PLRG1: variants seen among roughly 807,000 people sequenced by gnomAD.
PLRG1 encodes the protein pleiotropic regulator 1.
Under a neutral mutation model 74.9 loss-of-function variants are expected in PLRG1, and 28 were observed. The ratio of observed to expected loss-of-function variants is 0.37; its 90% confidence interval spans 0.28 to 0.51. The LOEUF is 0.51. Ranked by LOEUF, PLRG1 falls within the 20% of genes least tolerant of loss-of-function variation. The pLI, the probability that PLRG1 is intolerant of heterozygous loss-of-function variation, is 0.91. For missense variants in PLRG1, 445 were observed against 631.9 expected, an observed-to-expected ratio of 0.70 and a Z score of 3.17; for synonymous variants, 197 against 212.4, an observed-to-expected ratio of 0.93 and a Z score of 0.63.
chr4:154,537,244 G>T, intron 14 of PLRG1, 42 bp downstream of exon 14: 2 of 1,282,204 alleles, frequency 1.6e-6, no homozygotes, highest in Non-Finnish European at 2.2e-6. Flanking sequence ...TGCCAAATTG[G>T]TATAGCTGTT....
At chr4:154,549,866 G>C (rs1192285390) in intron 1 of PLRG1, 1 of 430,024 alleles carries the variant, frequency 2.3e-6, no homozygotes, top group South Asian at 1.7e-5. Flanking sequence ...TCATGCCAGG[G>C]AAAGATGTAA....
rs1237629794 is a variant in PLRG1 at position 154,546,148 on chromosome 4, C to T, written c.379G>A (p.Ala127Thr). 7 of 1,603,098 alleles carry T rather than the reference C, an allele frequency of 4.4e-6. No individual in the cohort carries two copies. The African/African-American group carries it at 5.3e-5, about 12-fold the overall frequency. ...MPSESAAQSL[A>T]VALPLQTKAD... is the part of the protein sequence containing the mutation. Reference sequence around the variant, plus strand: ...TTGGTCTGCAAAGGTAATGCCACCGCTAAGGACTGTGCAGCTGATTCACTT... The same window carrying T: ...TTGGTCTGCAAAGGTAATGCCACCGTTAAGGACTGTGCAGCTGATTCACTT... Residue 127 changes from alanine (A) to threonine (T), a missense_variant, in exon 5 of 15, where the codon GCG (alanine) becomes ACG (threonine). This residue lies in a region of PLRG1 where 206 missense variants were observed against 210.8 expected (regional missense o/e 0.98). Transcript: ENST00000499023.
rs1021727359 is a variant in PLRG1 at position 154,537,957 on chromosome 4, A to G, written c.1291+12T>C. 17 of 1,397,586 alleles carry G rather than the reference A, an allele frequency of 1.2e-5. No homozygotes were observed. Among genetic ancestry groups the G allele is most frequent in the Non-Finnish European group, 1.7e-5 (17 of 1,027,692 alleles). 86.6% of individuals were successfully genotyped at this position (1,397,586 alleles called of 1,614,324 possible). On this transcript the variant is annotated intron_variant, in intron 13 of 14. Transcript: ENST00000499023. ...CAGACTAAACATATTTATTATAAAA[A>G]TCTTATTTTACCTCCAGATACAAGC...
At chr4:154,539,448 G>A (rs2111101267) in intron 11 of PLRG1, among the ~76,000 whole-genome samples, 1 of 151,918 alleles carries the variant, frequency 6.6e-6, no homozygotes, top group South Asian at 2.1e-4. Flanking sequence ...TAAAACAAAT[G>A]CAAATAACAA....
At chr4:154,541,919 A>G in intron 8 of PLRG1, 1 of 387,314 alleles carries the variant, frequency 2.6e-6, no homozygotes, top group Non-Finnish European at 4.7e-6. Flanking sequence ...CATGCTCTTA[A>G]TTTTGTAACC....
At chr4:154,545,430 C>A (rs1729633170) in intron 6 of PLRG1, among the ~76,000 whole-genome samples, 1 of 152,014 alleles carries the variant, frequency 6.6e-6, no homozygotes, top group Admixed American at 6.5e-5. Context: ...TCTAAATGCT[C>A]ATTTATAAGA....
rs938233628 is a variant in PLRG1 at position 154,550,399 on chromosome 4, T to C, written c.-91A>G. 35 of 1,245,402 alleles carry C rather than the reference T, an allele frequency of 2.8e-5. No homozygotes were observed. The highest frequency in any genetic ancestry group is 1.4e-4 in the East Asian group (6 of 42,850). 77.1% of individuals were successfully genotyped at this position (1,245,402 alleles called of 1,614,324 possible). On this transcript the variant is annotated 5_prime_UTR_variant, in exon 1 of 15. Coordinates refer to ENST00000499023, the MANE Select transcript of PLRG1 (RefSeq NM_002669.4). ...CACAGCTGTGCAGCACCTTCCGGAATTGGGCGCCCAGGCGGCGGATGTGAT... is the reference window on the plus strand; with the variant it reads ...CACAGCTGTGCAGCACCTTCCGGAACTGGGCGCCCAGGCGGCGGATGTGAT...
At chr4:154,547,688 A>C (rs1180619561) in intron 3 of PLRG1, 23 bp downstream of exon 3, 18 of 1,598,236 alleles carry the variant, frequency 1.1e-5, no homozygotes, top group Non-Finnish European at 1.3e-5. Context: ...TAAGTCTGAC[A>C]TTTCTGATAA....
intron 10 of PLRG1, 57 bp downstream of exon 10, chr4:154,540,537 T>C (rs1196259868): frequency 2.6e-6 from 3 of 1,154,876 alleles, no homozygotes; most frequent in Non-Finnish European, 3.9e-6. Flanking sequence ...AAACCGAAAG[T>C]GCACCCTACA....
chr4:154,541,040 T>C, intron 8 of PLRG1, 106 bp from the exon 9 acceptor site: 4 of 841,588 alleles, frequency 4.8e-6, no homozygotes, highest in Non-Finnish European at 5.1e-6. Flanking sequence ...AGGAAAAAGA[T>C]AACAAATACG....
intron 2 of PLRG1, among the ~76,000 whole-genome samples, chr4:154,548,557 C>T (rs1019982108): frequency 3.3e-5 from 5 of 151,918 alleles, no homozygotes; most frequent in Admixed American, 3.3e-4. Flanking sequence ...AAGCTGAAAG[C>T]ACATACAAAG....
rs367635024 is a variant in PLRG1, at chr4:154,548,894, C to A, written c.51G>T (p.Ser17=). The A allele has an allele frequency of 6.2e-7, 1 of 1,610,244 alleles. No individual in the cohort carries two copies. Among genetic ancestry groups the A allele is most frequent in the South Asian group, 1.1e-5 (1 of 90,992 alleles). Residue 17 remains serine (S), a synonymous_variant, in exon 2 of 15, where the codon TCG becomes TCT. Transcript: ENST00000499023. ...CAAACATGTCATGGGTCCTCTTCAA[C>A]GACCTGAACACAAGGGTGTGTACAG... ...KHSVHTLVFR[S]LKRTHDMFVA...
chr4:154,542,314 T>C (rs370436800), intron 7 of PLRG1, 35 bp from the exon 8 acceptor site: 31 of 1,335,444 alleles, frequency 2.3e-5, no homozygotes, highest in Non-Finnish European at 3.2e-5. Flanking sequence ...CAGGCCAACG[T>C]AGAAGTTAAA....
chr4:154,540,443 T>C (rs1729534833), intron 10 of PLRG1, 151 bp downstream of exon 10: 7 of 622,810 alleles, frequency 1.1e-5, no homozygotes, highest in East Asian at 2.7e-5. Context: ...TGGAAAAAAA[T>C]GCAAGTTAAG....
At chr4:154,548,764 G>A (rs1560810051) in intron 2 of PLRG1, 65 bp downstream of exon 2, 14 of 820,350 alleles carry the variant, frequency 1.7e-5, no homozygotes, top group Non-Finnish European at 2.1e-5. Flanking sequence ...CCCTCTCCCT[G>A]CTCTCTTCCC....
chr4:154,540,732 TAGAA>T, intron 9 of PLRG1, 37 bp from the exon 10 acceptor site: 2 of 1,608,252 alleles, frequency 1.2e-6, no homozygotes, highest in South Asian at 1.1e-5. Context: ...CTTCTAGAAT[TAGAA>T]AGATAAATAG....
In PLRG1 at chr4:154,537,425, C is replaced by T. The variant is rs1357815749; in HGVS notation, c.1346G>A (p.Arg449Lys). ...CCCAGGTTGCACAGCTGCGTGAACT[C>T]TCTGAAAATTGTAGCCAGTTCTCCA... ...WDWRTGYNFQ[R>K]VHAAVQPGSL... Residue 449 changes from arginine (R) to lysine (K), a missense_variant, in exon 14 of 15, where the codon AGA becomes AAA. Arg to Lys is a conservative substitution (Grantham distance 26). Around this residue, in one of 3 missense-constraint regions of PLRG1, gnomAD observed 221 missense variants for 377.7 expected, o/e 0.59. Transcript: ENST00000499023. 5 of 1,613,270 alleles carry T rather than the reference C, an allele frequency of 3.1e-6. No homozygotes were observed. Among genetic ancestry groups the T allele is most frequent in the Non-Finnish European group, 4.2e-6 (5 of 1,179,534 alleles).
chr4:154,549,344 G>A (rs991080881), intron 1 of PLRG1, among the ~76,000 whole-genome samples: 2 of 152,164 alleles, frequency 1.3e-5, no homozygotes, highest in Admixed American at 1.3e-4. Flanking sequence ...GCTGAGTCAG[G>A]GAATGAAGGA....
chr4:154,549,113 T>C, intron 1 of PLRG1, 178 bp from the exon 2 acceptor site: 7 of 596,308 alleles, frequency 1.2e-5, no homozygotes, highest in Non-Finnish European at 1.9e-5. Flanking sequence ...AGCTCCTCTT[T>C]GGCTAGAACC....
Sources: allele counts gnomAD v4.1 joint callset (sites outside exome capture counted in the v4.1 genomes callset), GRCh38; gene constraint gnomAD v4.1.1; regional missense constraint gnomAD v4.1.1; transcripts MANE v1.5; gene names NCBI Gene and HGNC (gene_info 2026-07-23, HGNC 2026-07-21).